GABRB1: variants seen among roughly 807,000 people sequenced by gnomAD.
GABRB1 encodes the protein gamma-aminobutyric acid type A receptor subunit beta1.
GABRB1 carries 17 observed loss-of-function variants against 51.6 expected under a neutral mutation model. That is an observed-to-expected ratio of 0.33 (90% CI 0.23 to 0.49). The LOEUF is 0.49. GABRB1 is among the 20% of genes least tolerant of loss of function. The pLI is 0.99. For missense variants in GABRB1, 410 were observed against 600.6 expected (o/e 0.68, Z 3.32); for synonymous variants, 247 against 218.9 (o/e 1.13, Z -1.14).
chr4:47,238,725 A>G (rs1230858014), intron 4 of GABRB1, among the ~76,000 whole-genome samples: 2 of 152,232 alleles, frequency 1.3e-5, no homozygotes, highest in Non-Finnish European at 2.9e-5. Flanking sequence ...GGAATACTTA[A>G]GTAAAAAAAA....
intron 5 of GABRB1, among the ~76,000 whole-genome samples, chr4:47,354,725 T>G (rs1726485982): frequency 6.6e-6 from 1 of 152,128 alleles, no homozygotes; most frequent in African/African-American, 2.4e-5. Flanking sequence ...GTTTTGTATA[T>G]CTGGCAATGA....
intron 3 of GABRB1, among the ~76,000 whole-genome samples, chr4:47,059,072 G>A (rs1320545642): frequency 1.3e-5 from 2 of 152,102 alleles, no homozygotes; most frequent in African/African-American, 2.4e-5. Flanking sequence ...ACTTCAATTC[G>A]GTTGGTACAA....
chr4:47,326,063 G>T (rs552148896), intron 5 of GABRB1, among the ~76,000 whole-genome samples: 1 of 152,146 alleles, frequency 6.6e-6, no homozygotes, highest in African/African-American at 2.4e-5. Context: ...TTATACCCTT[G>T]ATTGGAGCAT....
At chr4:47,270,062 G>A (rs1021262238) in intron 4 of GABRB1, among the ~76,000 whole-genome samples, 2 of 151,794 alleles carry the variant, frequency 1.3e-5, no homozygotes, top group African/African-American at 4.8e-5. Flanking sequence ...TGCCTGCAAT[G>A]CAGTTGTTAG....
chr4:47,127,328 A>C (rs1716195826), intron 3 of GABRB1, among the ~76,000 whole-genome samples: 1 of 151,838 alleles, frequency 6.6e-6, no homozygotes, highest in Admixed American at 6.6e-5. Flanking sequence ...ATGTGTGTGT[A>C]GATACACACA....
chr4:47,425,471 G>A (rs1436403550), intron 8 of GABRB1, among the ~76,000 whole-genome samples: 1 of 123,148 alleles, frequency 8.1e-6, no homozygotes, highest in Admixed American at 8.6e-5. Flanking sequence ...CAAGGTGGAT[G>A]GATGATGATG....
At chr4:47,218,936 G>T (rs1720660809) in intron 4 of GABRB1, among the ~76,000 whole-genome samples, 1 of 151,754 alleles carries the variant, frequency 6.6e-6, no homozygotes, top group African/African-American at 2.4e-5. Flanking sequence ...TGTTCATAGA[G>T]AAACCTCTAG....
intron 3 of GABRB1, 140 bp downstream of exon 3, chr4:47,032,624 G>A (rs780566358): frequency 1.3e-6 from 1 of 789,848 alleles, no homozygotes; most frequent in Non-Finnish European, 2.3e-6. Context: ...CCCCGCTCCG[G>A]CACACACACC....
chr4:47,404,489 G>GCACACACACACACA lies in GABRB1; in HGVS notation c.835+805_835+818dup, dbSNP rs56335154. Among the ~76,000 whole-genome samples, 9 of 145,656 alleles carry GCACACACACACACA rather than the reference G, an allele frequency of 6.2e-5. No individual in the cohort carries two copies. In the South Asian group the frequency reaches 1.1e-3, roughly 18 times the overall value. On this transcript the variant is annotated intron_variant, in intron 7 of 8. Transcript: ENST00000295454. ...CTGGGGCTAATTCTCACACACGCAT[G>GCACACACACACACA]CACACACACACACACACACACACAC...
At chr4:47,353,490 T>C (rs1308455811) in intron 5 of GABRB1, among the ~76,000 whole-genome samples, 3 of 152,184 alleles carry the variant, frequency 2.0e-5, no homozygotes, top group Non-Finnish European at 4.4e-5. Context: ...TGCCTTGAGT[T>C]GGTCTTCTAA....
chr4:47,300,487 T>C (rs1009894171), intron 4 of GABRB1, among the ~76,000 whole-genome samples: 1 of 152,162 alleles, frequency 6.6e-6, no homozygotes, highest in South Asian at 2.1e-4. Context: ...TTAAATATTA[T>C]GTAGTATTAA....
chr4:46,998,732 T>TAAAAAAAAAAAA (rs1031492003), intron 1 of GABRB1, among the ~76,000 whole-genome samples: 1 of 66,432 alleles, frequency 1.5e-5, no homozygotes, highest in African/African-American at 5.8e-5. Flanking sequence ...AGACTCTGTC[T>TAAAAAAAAAAAA]AAAAAAAAAA....
chr4:47,278,842 T>C (rs1723175087), intron 4 of GABRB1, among the ~76,000 whole-genome samples: 1 of 152,170 alleles, frequency 6.6e-6, no homozygotes, highest in South Asian at 2.1e-4. Context: ...GCCCTGTTTC[T>C]ATGGAAACAG....
At chr4:47,405,722 A>G (rs994768867) in intron 7 of GABRB1, among the ~76,000 whole-genome samples, 8 of 152,176 alleles carry the variant, frequency 5.3e-5, no homozygotes, top group Non-Finnish European at 1.5e-5. Context: ...AAAACTGTAC[A>G]ACACTATACA....
intron 3 of GABRB1, among the ~76,000 whole-genome samples, chr4:47,057,973 C>A (rs906196715): frequency 2.0e-5 from 3 of 152,168 alleles, no homozygotes; most frequent in Non-Finnish European, 4.4e-5. Context: ...TAGCAGTAAA[C>A]AGCCAAACTC....
intron 4 of GABRB1, among the ~76,000 whole-genome samples, chr4:47,166,897 TCA>T (rs1295112522): frequency 1.3e-5 from 2 of 152,142 alleles, no homozygotes; most frequent in African/African-American, 4.8e-5. Context: ...ATGAGAACTT[TCA>T]CAGTTTTCCT....
At chr4:47,403,820 A>C (rs1728480266) in intron 7 of GABRB1, 109 bp downstream of exon 7, 2 of 1,003,634 alleles carry the variant, frequency 2.0e-6, no homozygotes. Flanking sequence ...AAAGAATTAG[A>C]TCATCTTACA....
At chr4:47,264,988 A>G (rs777319124) in intron 4 of GABRB1, among the ~76,000 whole-genome samples, 6 of 152,244 alleles carry the variant, frequency 3.9e-5, no homozygotes, top group Non-Finnish European at 7.3e-5. Context: ...TAATTCTAAA[A>G]TGCCTAAAAT....
intron 4 of GABRB1, among the ~76,000 whole-genome samples, chr4:47,246,299 TACACACACACACACACAC>T (rs59187371): frequency 1.2e-5 from 1 of 84,170 alleles, no homozygotes; most frequent in Non-Finnish European, 2.3e-5. Flanking sequence ...TATATATATA[TACACACACACACACACAC>T]ACACACACAC....
Sources: allele counts gnomAD v4.1 joint callset (sites outside exome capture counted in the v4.1 genomes callset), GRCh38; gene constraint gnomAD v4.1.1; transcripts MANE v1.5; gene names NCBI Gene and HGNC (gene_info 2026-07-23, HGNC 2026-07-21).